TCF4: variants seen among roughly 807,000 people sequenced by gnomAD.
TCF4 encodes the protein transcription factor 4.
TCF4 carries 3 observed loss-of-function variants against 82.1 expected under a neutral mutation model. The observed-to-expected ratio is 0.04, with a 90% CI of 0.02 to 0.09. TCF4 has a LOEUF of 0.09. Ranked by LOEUF, TCF4 falls within the 10% of genes least tolerant of loss-of-function variation. The pLI, the probability that TCF4 is intolerant of heterozygous loss-of-function variation, is 1.00. For synonymous variants in TCF4, 276 were observed against 309.6 expected, an observed-to-expected ratio of 0.89 and a Z score of 1.14; for missense variants, 518 against 852.7, an observed-to-expected ratio of 0.61 and a Z score of 4.89.
intron 17 of TCF4, chr18:55,229,277 C>T (rs1007204116): frequency 2.2e-5 from 14 of 638,476 alleles, no homozygotes; most frequent in African/African-American, 7.3e-5. Flanking sequence ...TTGGTTTTCT[C>T]GCAGACATTA....
chr18:55,233,109 C>A (rs980362444), intron 16 of TCF4, among the ~76,000 whole-genome samples: 1 of 152,108 alleles, frequency 6.6e-6, no homozygotes, highest in Non-Finnish European at 1.5e-5. Context: ...TCAATAGGTA[C>A]CCTAATGATA....
chr18:55,351,315 C>T (rs1467159080), intron 6 of TCF4: 2 of 315,294 alleles, frequency 6.3e-6, no homozygotes, highest in Middle Eastern at 1.0e-3. Flanking sequence ...CTAATGTTTC[C>T]TTTCTCTAGA....
intron 3 of TCF4, among the ~76,000 whole-genome samples, chr18:55,579,307 G>A (rs2147744585): frequency 6.6e-6 from 1 of 151,692 alleles, no homozygotes; most frequent in South Asian, 2.1e-4. Flanking sequence ...GGTCAGTTGT[G>A]AAAATTTTAC....
chr18:55,446,649 G>A (rs1229106034), intron 5 of TCF4, among the ~76,000 whole-genome samples: 1 of 152,142 alleles, frequency 6.6e-6, no homozygotes. Context: ...GATAATATGT[G>A]TAAAGTACTT....
At position 55,261,885 on chromosome 18, in the gene TCF4, T is replaced by C. The variant is rs540500742; in HGVS notation, c.923-352A>G. 9.8e-5 allele frequency among the ~76,000 whole-genome samples: 15 copies of C among 152,338 alleles called. No homozygotes were observed. The South Asian group carries it at 2.7e-3, about 27-fold the overall frequency. On this transcript the variant is annotated intron_variant, in intron 11 of 19. Transcript: ENST00000354452. ...GAGTCCTCAGAGTCTGGCTTTTCTT[T>C]ATATTATTTTATAGTAAATGGAATT...
chr18:55,630,574 A>G lies in TCF4; in HGVS notation c.286+724T>C, dbSNP rs533315979. ...TGGAAAGCTTGTTGAAATTTAATCA[A>G]CATTCAATATGGCTCATTTATTCAT... On this transcript the variant is annotated intron_variant, in intron 2 of 20. Transcript: ENST00000398339. Among the ~76,000 whole-genome samples the G allele has an allele frequency of 5.3e-5, 8 of 152,352 alleles. No individual in the cohort carries two copies. In the South Asian group the frequency reaches 8.3e-4, roughly 16 times the overall value.
intron 3 of TCF4, among the ~76,000 whole-genome samples, chr18:55,540,613 C>A (rs1464239511): frequency 6.6e-6 from 1 of 151,920 alleles, no homozygotes; most frequent in Non-Finnish European, 1.5e-5. Flanking sequence ...AGAGAAATTC[C>A]TGGCATATAA....
At chr18:55,528,870 C>G (rs2097024145) in intron 3 of TCF4, among the ~76,000 whole-genome samples, 2 of 152,012 alleles carry the variant, frequency 1.3e-5, no homozygotes, top group Non-Finnish European at 2.9e-5. Flanking sequence ...TCTTGACTAT[C>G]AACAACAACA....
chr18:55,575,540 C>A (rs1603624064), intron 3 of TCF4, among the ~76,000 whole-genome samples: 3 of 152,182 alleles, frequency 2.0e-5, no homozygotes, highest in East Asian at 3.9e-4. Flanking sequence ...TAACTGAAAT[C>A]TTTTACATGA....
At chr18:55,351,501 C>T (rs2082312461) in intron 6 of TCF4, among the ~76,000 whole-genome samples, 2 of 152,036 alleles carry the variant, frequency 1.3e-5, no homozygotes, top group African/African-American at 4.8e-5. Context: ...ACTGACATAG[C>T]ACCCACAGAA....
chr18:55,352,519 G>A (rs1195796368), intron 6 of TCF4, among the ~76,000 whole-genome samples: 1 of 152,080 alleles, frequency 6.6e-6, no homozygotes, highest in African/African-American at 2.4e-5. Context: ...TCAAGGATGA[G>A]ATTTCAGATT....
rs151203913 is a variant in TCF4 at position 55,464,103 on chromosome 18, C to T, written c.180G>A (p.Gly60=). 4 of 1,613,770 alleles carry T rather than the reference C, an allele frequency of 2.5e-6. No individual in the cohort carries two copies. The African/African-American group carries it at 4.0e-5, about 16-fold the overall frequency. The change falls in exon 4 of 20, where the codon GGG becomes GGA. Residue 60 remains glycine (G), a synonymous_variant. Transcript: ENST00000354452. ...VEDRSSSGSW[G]NGGHPSPSRN... ...TGGACGGGCTTGGATGTCCTCCATT[C>T]CCCCAGGACCCTGAGCTACTTCTGT... is the stretch of plus-strand genomic sequence containing the variant.
intron 6 of TCF4, chr18:55,401,032 T>C (rs1283534150): frequency 1.6e-6 from 2 of 1,289,008 alleles, no homozygotes; most frequent in Non-Finnish European, 2.0e-6. Flanking sequence ...ATTTCAGCTG[T>C]GATCTGCTAT....
rs1259929737 is a variant in TCF4, at chr18:55,252,235, A to T, written c.1350+2262T>A. 2.6e-5 allele frequency among the ~76,000 whole-genome samples: 4 copies of T among 152,124 alleles called. No individual in the cohort carries two copies. In the East Asian group the frequency reaches 7.7e-4, roughly 29 times the overall value. Reference sequence around the variant, plus strand: ...AAGGGCAGCAGGGTGATGACATGCCATATCTTTGGAGTTACGCTATGATCT... The same window carrying T: ...AAGGGCAGCAGGGTGATGACATGCCTTATCTTTGGAGTTACGCTATGATCT... On this transcript the variant is annotated intron_variant, in intron 15 of 19. Transcript: ENST00000354452.
At chr18:55,468,407 A>C (rs1044857772) in intron 3 of TCF4, among the ~76,000 whole-genome samples, 4 of 152,216 alleles carry the variant, frequency 2.6e-5, no homozygotes, top group African/African-American at 9.7e-5. Context: ...CCTGGTATTA[A>C]GCCAGACAGA....
At chr18:55,373,699 G>C (rs2089970301) in intron 6 of TCF4, among the ~76,000 whole-genome samples, 1 of 151,994 alleles carries the variant, frequency 6.6e-6, no homozygotes, top group Non-Finnish European at 1.5e-5. Flanking sequence ...TGTGATCCCA[G>C]CTACTTGGGA....
chr18:55,597,503 A>G (rs920797119), intron 2 of TCF4, among the ~76,000 whole-genome samples: 2 of 152,008 alleles, frequency 1.3e-5, no homozygotes, highest in Non-Finnish European at 2.9e-5. Context: ...TGTCTTTACT[A>G]AAAAAATACA....
At chr18:55,490,855 G>A (rs147342231) in intron 3 of TCF4, among the ~76,000 whole-genome samples, 11 of 152,234 alleles carry the variant, frequency 7.2e-5, no homozygotes, top group East Asian at 1.9e-4. Context: ...TCTTCAGTGC[G>A]GTATAGAAAT....
intron 2 of TCF4, among the ~76,000 whole-genome samples, chr18:55,619,605 T>A (rs1036860142): frequency 1.3e-5 from 2 of 152,224 alleles, no homozygotes; most frequent in Non-Finnish European, 2.9e-5. Context: ...GCCTAACTTT[T>A]AGAAGAAATG....
Sources: gnomAD v4.1 joint callset for allele counts (sites outside exome capture counted in the v4.1 genomes callset) on GRCh38, gnomAD v4.1.1 for gene constraint, MANE v1.5 for transcripts, NCBI Gene and HGNC (gene_info 2026-07-23, HGNC 2026-07-21) for gene names.